ALK: variants seen among roughly 807,000 people sequenced by gnomAD.
ALK encodes the protein ALK receptor tyrosine kinase, also known as ALK tyrosine kinase receptor.
A neutral mutation model predicts 163.1 loss-of-function variants in ALK; 74 were observed. The observed-to-expected ratio is 0.45, with a 90% CI of 0.38 to 0.55. The LOEUF is 0.55. Ranked by LOEUF, ALK falls within the 20% of genes least tolerant of loss-of-function variation. The pLI, the probability that ALK is intolerant of heterozygous loss-of-function variation, is 0.00. For synonymous variants in ALK, 960 were observed against 843.2 expected, an observed-to-expected ratio of 1.14 and a Z score of -2.40; for missense variants, 2,063 against 2,105.3, an observed-to-expected ratio of 0.98 and a Z score of 0.39.
At chr2:29,240,736 C>T (rs1664502471) in intron 12 of ALK, among the ~76,000 whole-genome samples, 1 of 152,190 alleles carries the variant, frequency 6.6e-6, no homozygotes, top group African/African-American at 2.4e-5. Flanking sequence ...GAAAAGAACT[C>T]TCTTCTGAAC....
At chr2:29,213,842 CT>C in intron 24 of ALK, 141 bp downstream of exon 24, 1 of 740,434 alleles carries the variant, frequency 1.4e-6, no homozygotes, top group South Asian at 1.5e-5. Flanking sequence ...TAAAACAAAG[CT>C]GAATCATCCT....
chr2:29,335,204 T>C (rs1330954567), intron 5 of ALK, among the ~76,000 whole-genome samples: 1 of 152,158 alleles, frequency 6.6e-6, no homozygotes, highest in Non-Finnish European at 1.5e-5. Flanking sequence ...AGATCTGAGA[T>C]CAAGCCACTC....
intron 1 of ALK, among the ~76,000 whole-genome samples, chr2:29,814,272 G>A (rs1257587418): frequency 6.6e-6 from 1 of 152,106 alleles, no homozygotes; most frequent in Non-Finnish European, 1.5e-5. Context: ...GTTTAATCCA[G>A]ACAGCCCAGT....
chr2:29,756,210 G>A (rs1680523084), intron 1 of ALK, among the ~76,000 whole-genome samples: 1 of 152,308 alleles, frequency 6.6e-6, no homozygotes, highest in African/African-American at 2.4e-5. Flanking sequence ...TGGCTAAATT[G>A]GTCTTGCTTC....
chr2:29,483,656 C>A (rs1332629165), intron 4 of ALK, among the ~76,000 whole-genome samples: 2 of 152,276 alleles, frequency 1.3e-5, no homozygotes, highest in Non-Finnish European at 2.9e-5. Context: ...CATACCCAAC[C>A]TGGCTTTATC....
At chr2:29,808,666 C>T (rs1664677757) in intron 1 of ALK, among the ~76,000 whole-genome samples, 1 of 152,172 alleles carries the variant, frequency 6.6e-6, no homozygotes, top group South Asian at 2.1e-4. Flanking sequence ...GAGGCAGTGG[C>T]CATGAAGGGT....
intron 3 of ALK, among the ~76,000 whole-genome samples, chr2:29,550,506 A>G (rs1005502651): frequency 1.3e-5 from 2 of 152,192 alleles, no homozygotes; most frequent in African/African-American, 4.8e-5. Context: ...TTCCAACACT[A>G]TATGGCAGAA....
intron 11 of ALK, among the ~76,000 whole-genome samples, chr2:29,252,225 C>G (rs1664835461): frequency 6.8e-6 from 1 of 146,158 alleles, no homozygotes; most frequent in Admixed American, 7.1e-5. Flanking sequence ...TTGAGCCAGA[C>G]CAAACCTTGG....
intron 12 of ALK, among the ~76,000 whole-genome samples, 156 bp from the exon 13 acceptor site, chr2:29,239,986 A>G (rs769284303): frequency 1.3e-5 from 2 of 152,076 alleles, no homozygotes; most frequent in Non-Finnish European, 2.9e-5. Flanking sequence ...CTTCTCCCCC[A>G]CTTCAGGAAA....
chr2:29,498,595 C>A (rs972781908), intron 4 of ALK, among the ~76,000 whole-genome samples: 1 of 152,132 alleles, frequency 6.6e-6, no homozygotes, highest in Admixed American at 6.5e-5. Context: ...CTGAGGGGAG[C>A]AGAGGGGCCC....
In ALK at chr2:29,341,718, G is replaced by C. The variant is rs11889376; in HGVS notation, c.1283-13237C>G. ...GTGGATGGGCCATTCTTCCAGCTAGGGGGGAGAGGAAGCAGGGTGTCCTTG... is the reference window on the plus strand; with the variant it reads ...GTGGATGGGCCATTCTTCCAGCTAGCGGGGAGAGGAAGCAGGGTGTCCTTG... On this transcript the variant is annotated intron_variant, in intron 5 of 28. Transcript: ENST00000389048. 5.0e-3 allele frequency among the ~76,000 whole-genome samples: 763 copies of C among 152,280 alleles called. 8 individuals are homozygous for C. The highest frequency in any genetic ancestry group is 0.017 in the African/African-American group (697 of 41,538).
intron 4 of ALK, among the ~76,000 whole-genome samples, chr2:29,491,700 T>A (rs1283930099): frequency 6.6e-6 from 1 of 152,204 alleles, no homozygotes; most frequent in Admixed American, 6.5e-5. Flanking sequence ...TGAAACAGGT[T>A]GTTACTTTCA....
chr2:29,436,110 G>T (rs1670388882), intron 4 of ALK, among the ~76,000 whole-genome samples: 2 of 152,070 alleles, frequency 1.3e-5, no homozygotes, highest in African/African-American at 2.4e-5. Context: ...TAAGATTTGG[G>T]TCTTTACCCA....
At chr2:29,537,261 T>C (rs899296517) in intron 3 of ALK, among the ~76,000 whole-genome samples, 1 of 152,182 alleles carries the variant, frequency 6.6e-6, no homozygotes, top group Admixed American at 6.5e-5. Flanking sequence ...GCCCCTCTGA[T>C]CACAGGCTCA....
At chr2:29,236,220 T>A (rs1664377780) in intron 13 of ALK, among the ~76,000 whole-genome samples, 2 of 152,090 alleles carry the variant, frequency 1.3e-5, no homozygotes, top group Admixed American at 1.3e-4. Flanking sequence ...TGGACTTGCC[T>A]CCTCATCTGG....
intron 9 of ALK, among the ~76,000 whole-genome samples, chr2:29,279,703 T>A (rs13399141): frequency 6.6e-6 from 1 of 152,162 alleles, no homozygotes; most frequent in South Asian, 2.1e-4. Context: ...CACCGCTTAC[T>A]GTCTCCTTGC....
chr2:29,693,406 T>TACAAAC (rs1678458504), intron 3 of ALK, among the ~76,000 whole-genome samples: 1 of 145,174 alleles, frequency 6.9e-6, no homozygotes, highest in African/African-American at 2.5e-5. Context: ...AGCACTCACC[T>TACAAAC]ACACACACAC....
intron 3 of ALK, among the ~76,000 whole-genome samples, chr2:29,607,782 T>C (rs1280240025): frequency 6.6e-6 from 1 of 152,136 alleles, no homozygotes; most frequent in African/African-American, 2.4e-5. Context: ...CTTGGAATGA[T>C]TTTTTTCTTA....
chr2:29,815,075 G>A (rs1664862221), intron 1 of ALK, among the ~76,000 whole-genome samples: 1 of 148,942 alleles, frequency 6.7e-6, no homozygotes. Flanking sequence ...GAAAATCATA[G>A]AAATCTAGAG....
Sources: gnomAD v4.1 joint callset for allele counts (sites outside exome capture counted in the v4.1 genomes callset) on GRCh38, gnomAD v4.1.1 for gene constraint, MANE v1.5 for transcripts, NCBI Gene and HGNC (gene_info 2026-07-23, HGNC 2026-07-21) for gene names.